The following SELENOS variants were observed in gnomAD, a reference collection of about 807,000 sequenced individuals.
The protein encoded by SELENOS is selenoprotein S, also known as VCP interacting membrane selenoprotein.
A neutral mutation model predicts 30.2 loss-of-function variants in SELENOS; 37 were observed. The ratio of observed to expected loss-of-function variants is 1.23; its 90% CI spans 0.94 to 1.61. The LOEUF is 1.61. SELENOS is among the 40% of genes most tolerant of loss of function. The pLI is 0.00. For synonymous variants in SELENOS, 119 were observed against 91.6 expected (o/e 1.30, Z -1.71); for missense variants, 289 against 231.8 (o/e 1.25, Z -1.60).
intron 1 of SELENOS, 109 bp downstream of exon 1, chr15:101,277,233 C>G: frequency 6.6e-7 from 1 of 1,505,326 alleles, no homozygotes; most frequent in East Asian, 2.5e-5. Context: ...CCCGACCGTT[C>G]CCAGGCCTCC....
At chr15:101,275,888 C>G (rs932941357) in intron 2 of SELENOS, among the ~76,000 whole-genome samples, 1 of 149,542 alleles carries the variant, frequency 6.7e-6, no homozygotes, top group African/African-American at 2.5e-5. Context: ...GAGTCTCGCT[C>G]TTTGCAACAA....
chr15:101,272,574 G>A lies in SELENOS; in HGVS notation c.*197C>T. The A allele has an allele frequency of 1.9e-6, 1 of 536,116 alleles. No individual in the cohort carries two copies. Among genetic ancestry groups the A allele is most frequent in the Non-Finnish European group, 3.3e-6 (1 of 300,706 alleles). The allele number at this position is 536,116 out of a possible 1,614,324, so 33.2% of individuals were successfully genotyped here. A position where few individuals can be genotyped will look rare whatever the true frequency, so the allele number is the denominator to read the frequency against. ...TGCAATCACTGTCTCCAAGTAGAAT[G>A]TGACCAATGACCTCATGCCTAGAGG... On this transcript the variant is annotated 3_prime_UTR_variant, in exon 6 of 6. Coordinates refer to ENST00000526049, the MANE Select transcript of SELENOS (RefSeq NM_018445.6).
intron 3 of SELENOS, 175 bp downstream of exon 3, chr15:101,275,080 C>T (rs771237594): frequency 2.8e-5 from 17 of 600,556 alleles, no homozygotes; most frequent in East Asian, 2.0e-4. Flanking sequence ...CCCTAACAAT[C>T]GTGTATTCTT....
Position 101,272,856 on chromosome 15 carries a change from C to A in SELENOS, c.485G>T (p.Gly162Val). The change falls in exon 6 of 6, where the codon GGT becomes GTT. Residue 162 changes from glycine (G) to valine (V), a missense_variant and splice_region_variant. Transcript: ENST00000526049. ...KSDRKPLRGG[G>V]YNPLSGEGGG... ...TCCTTCACCAGACAACGGGTTATAACCTGGGAGGACAGAAAAGCAGCACAA... is the reference window on the plus strand; with the variant it reads ...TCCTTCACCAGACAACGGGTTATAAACTGGGAGGACAGAAAAGCAGCACAA... The A allele has an allele frequency of 6.2e-7, 1 of 1,604,066 alleles. No homozygotes were observed. The highest frequency in any genetic ancestry group is 8.5e-7 in the Non-Finnish European group (1 of 1,175,356).
chr15:101,271,818 T>A (rs959042543), downstream of SELENOS, among the ~76,000 whole-genome samples: 1 of 152,192 alleles, frequency 6.6e-6, no homozygotes, highest in Non-Finnish European at 1.5e-5. Flanking sequence ...GAATCTTTTT[T>A]AAAAACAATC....
At chr15:101,275,791 G>A (rs1400002130) in intron 2 of SELENOS, among the ~76,000 whole-genome samples, 1 of 151,802 alleles carries the variant, frequency 6.6e-6, no homozygotes, top group African/African-American at 2.4e-5. Context: ...AGATTCTTAA[G>A]TATTTGTTTC....
At chr15:101,277,304 A>C in intron 1 of SELENOS, 38 bp downstream of exon 1, 1 of 1,503,716 alleles carries the variant, frequency 6.7e-7, no homozygotes, top group Non-Finnish European at 8.8e-7. Context: ...GCGTCGCAAA[A>C]GTGGCGGCGC....
In SELENOS at chr15:101,276,587, T is replaced by C. The variant is rs769303840; in HGVS notation, c.165A>G (p.Leu55=). 6.2e-7 allele frequency: 1 copy of C among 1,613,820 alleles called. No individual in the cohort carries two copies. The highest frequency in any genetic ancestry group is 8.5e-7 in the Non-Finnish European group (1 of 1,179,832). ...CCAGCTGCCTCTGCCTCAAGGCTCTTAGCCGGGCGGAAAGCTTCTGAAAGA... is the reference window on the plus strand; with the variant it reads ...CCAGCTGCCTCTGCCTCAAGGCTCTCAGCCGGGCGGAAAGCTTCTGAAAGA... ...YVVFQKLSAR[L]RALRQRQLDR... Residue 55 remains leucine (L), a synonymous_variant, in exon 2 of 6, where the codon CTA becomes CTG. Coordinates refer to ENST00000526049, the MANE Select transcript of SELENOS (RefSeq NM_018445.6).
chr15:101,273,030 T>C (rs190740334), intron 5 of SELENOS, among the ~76,000 whole-genome samples, 174 bp from the exon 6 acceptor site: 4 of 152,230 alleles, frequency 2.6e-5, no homozygotes, highest in Admixed American at 2.6e-4. Context: ...AACCTTTATA[T>C]TGTGATTGCC....
chr15:101,276,632 G>A lies in SELENOS; in HGVS notation c.120C>T (p.Ser40=), dbSNP rs2039330949. ...LATYGWYIVF[S]CILLYVVFQK... is the part of the protein sequence containing the mutation. ...GAAAGACCACGTAGAGAAGGATGCA[G>A]CTGAAGACGATGTACCAGCCATAGG... The change falls in exon 2 of 6, where the codon AGC becomes AGT. Residue 40 remains serine (S), a synonymous_variant. Transcript: ENST00000526049. The A allele has an allele frequency of 2.5e-6, 4 of 1,613,728 alleles. No homozygotes were observed. The East Asian group carries it at 8.9e-5, about 36-fold the overall frequency.
intron 5 of SELENOS, among the ~76,000 whole-genome samples, chr15:101,273,223 A>G (rs1170820020): frequency 6.9e-6 from 1 of 143,994 alleles, no homozygotes; most frequent in Non-Finnish European, 1.5e-5. Context: ...ACGCTACAGA[A>G]AACAGATTAA....
chr15:101,275,469 T>C lies in SELENOS; in HGVS notation c.212-108A>G, dbSNP rs892807034. The C allele has an allele frequency of 6.7e-6, 6 of 897,666 alleles. No individual in the cohort carries two copies. The Admixed American group carries it at 1.1e-4, about 16-fold the overall frequency. 55.6% of individuals were successfully genotyped at this position (897,666 alleles called of 1,614,324 possible). ...ATAAAGAGGTATGGATATCAGACAA[T>C]GAAACAACATATTTTTACATAAGTA... is the stretch of plus-strand genomic sequence containing the variant. On this transcript the variant is annotated intron_variant, in intron 2 of 5. Transcript: ENST00000526049.
Position 101,277,419 on chromosome 15 carries a change from A to ACCG in SELENOS, c.-5_-3dup, listed in dbSNP as rs566724578. 1.8e-3 allele frequency: 2,593 copies of ACCG among 1,470,384 alleles called. 10 individuals carry two copies. The highest frequency in any genetic ancestry group is 0.017 in the African/African-American group (1,171 of 67,980). The allele number at this position is 1,470,384 out of a possible 1,614,324, so 91.1% of individuals were successfully genotyped here. A position where few individuals can be genotyped will look rare whatever the true frequency, so the allele number is the denominator to read the frequency against. ...CAGAGACTCCTCTTGGCGTTCCATG[A>ACCG]CCGCCGCCGCCGCCGCCGCCCAGCC... On this transcript the variant is annotated 5_prime_UTR_variant, in exon 1 of 6. Transcript: ENST00000526049.
rs752267047 is a variant in SELENOS, at chr15:101,274,682, C to G, written c.319-1G>C. ...TCTGTCTCCTTTTTTCTTCTTCAAG[C>G]TGAGAAACAATCACATTTTACAGAA... On this transcript the variant is annotated splice_acceptor_variant, in intron 3 of 5. Transcript: ENST00000526049. LOFTEE classifies it high-confidence loss of function. 1.9e-6 allele frequency: 3 copies of G among 1,609,612 alleles called. No homozygotes were observed. The African/African-American group carries it at 4.0e-5, about 22-fold the overall frequency.
intron 1 of SELENOS, 188 bp from the exon 2 acceptor site, chr15:101,276,863 A>G: frequency 1.5e-6 from 1 of 652,348 alleles, no homozygotes; most frequent in South Asian, 2.1e-5. Context: ...GATCACTGAG[A>G]AGTGAGACTT....
intron 4 of SELENOS, 23 bp from the exon 5 acceptor site, chr15:101,274,518 G>T: frequency 6.2e-7 from 1 of 1,606,980 alleles, no homozygotes; most frequent in East Asian, 2.2e-5. Context: ...ACACAGTAGT[G>T]TAAGAAGCAA....
In SELENOS at chr15:101,274,448, T is replaced by C. The variant is rs2039300875; in HGVS notation, c.456A>G (p.Lys152=). 1 of 1,609,636 alleles carries C rather than the reference T, an allele frequency of 6.2e-7. No homozygotes were observed. The highest frequency in any genetic ancestry group is 1.1e-5 in the South Asian group (1 of 89,872). ...CTCCCCGCAAAGGCTTTCTGTCCGA[T>C]TTCCGTTTCAGGACAGATGAAGTGG... ...GPSTSSVLKR[K]SDRKPLRGGG... is the part of the protein sequence containing the mutation. Residue 152 remains lysine, a synonymous_variant, in exon 5 of 6, where the codon AAA becomes AAG. Coordinates refer to ENST00000526049, the MANE Select transcript of SELENOS (RefSeq NM_018445.6).
rs952450767 is a variant in SELENOS, at chr15:101,274,769, A to G, written c.319-88T>C. On this transcript the variant is annotated intron_variant, in intron 3 of 5. Transcript: ENST00000526049. ...CTAACTCTGATAATTCTTAATTTAA[A>G]TGTCTTTCAGAACAAACTTCACCCT... is the stretch of plus-strand genomic sequence containing the variant. 8.2e-6 allele frequency: 11 copies of G among 1,340,262 alleles called. No homozygotes were observed. In the African/African-American group the frequency reaches 1.3e-4, roughly 16 times the overall value. The allele number at this position is 1,340,262 out of a possible 1,614,324, so 83.0% of individuals were successfully genotyped here.
At chr15:101,274,933 C>G in intron 3 of SELENOS, 1 of 584,346 alleles carries the variant, frequency 1.7e-6, no homozygotes, top group Non-Finnish European at 3.0e-6. Flanking sequence ...TTCTGAAACT[C>G]ACTCCTGTCA....
Sources: gnomAD v4.1 joint callset for allele counts (sites outside exome capture counted in the v4.1 genomes callset) on GRCh38, gnomAD v4.1.1 for gene constraint, MANE v1.5 for transcripts, NCBI Gene and HGNC (gene_info 2026-07-23, HGNC 2026-07-21) for gene names.